ATRX: variants seen among roughly 807,000 people sequenced by gnomAD.
The protein encoded by ATRX is ATRX chromatin remodeler.
Under a neutral mutation model 172.6 loss-of-function variants are expected in ATRX, and 12 were observed. The ratio of observed to expected loss-of-function variants is 0.07; its 90% confidence interval spans 0.04 to 0.11. ATRX has a LOEUF of 0.11. Ranked by LOEUF, ATRX falls within the 10% of genes least tolerant of loss-of-function variation. ATRX has a pLI of 1.00. For synonymous variants in ATRX, 674 were observed against 594.7 expected, an observed-to-expected ratio of 1.13 and a Z score of -1.94; for missense variants, 1,368 against 1,767.4, an observed-to-expected ratio of 0.77 and a Z score of 4.05.
In ATRX at chrX:77,681,854, C is replaced by G. The variant is rs2148574219; in HGVS notation, c.3402G>C (p.Leu1134Phe). The G allele has an allele frequency of 8.3e-7, 1 of 1,202,175 alleles. No individual in the cohort carries two copies. Among genetic ancestry groups the G allele is most frequent in the Non-Finnish European group, 1.1e-6 (1 of 891,413 alleles). Reference sequence around the variant, plus strand: ...TTGAACTTAAATTTCTTCTTTCCCTCAATTCTATTCTTTTCAGTCTCTTAT... The same window carrying G: ...TTGAACTTAAATTTCTTCTTTCCCTGAATTCTATTCTTTTCAGTCTCTTAT... ...SSDKRLKRIE[L>F]RERRNLSSKR... The change falls in exon 9 of 35, where the codon TTG becomes TTC. Residue 1134 changes from leucine (L) to phenylalanine (F), a missense_variant. Coordinates refer to ENST00000373344, the MANE Select transcript of ATRX (RefSeq NM_000489.6).
chrX:77,729,035 T>C (rs1437139802), intron 1 of ATRX, among the ~76,000 whole-genome samples: 3 of 105,652 alleles, frequency 2.8e-5, no homozygotes, highest in African/African-American at 1.0e-4. Flanking sequence ...GCTGGGATTA[T>C]AGGCATGAGC....
chrX:77,692,846 AGTGTGTGTGTGTGTGTGT>A (rs3063059), intron 6 of ATRX, among the ~76,000 whole-genome samples: 26 of 82,104 alleles, frequency 3.2e-4, no homozygotes, highest in African/African-American at 9.4e-4. Context: ...CCAATATTAG[AGTGTGTGTGTGTGTGTGT>A]GTGTGTGTGT....
At chrX:77,769,315 T>A (rs2076079300) in intron 1 of ATRX, among the ~76,000 whole-genome samples, 1 of 108,077 alleles carries the variant, frequency 9.3e-6, no homozygotes, top group Admixed American at 9.9e-5. Flanking sequence ...TCTCACCCTG[T>A]AGCCCAGGCC....
intron 30 of ATRX, among the ~76,000 whole-genome samples, chrX:77,552,880 A>C (rs2064611559): frequency 9.0e-6 from 1 of 111,477 alleles, no homozygotes; most frequent in Non-Finnish European, 1.9e-5. Flanking sequence ...AGTTAAAAAG[A>C]AGTGCTTTCG....
At chrX:77,538,577 A>G (rs2063843242) in intron 30 of ATRX, among the ~76,000 whole-genome samples, 1 of 111,675 alleles carries the variant, frequency 9.0e-6, no homozygotes. Context: ...ACTGTGCAAT[A>G]TATCTGTTTA....
At chrX:77,681,419 G>T in intron 9 of ATRX, 101 bp downstream of exon 9, 3 of 858,033 alleles carry the variant, frequency 3.5e-6, no homozygotes, top group Non-Finnish European at 5.1e-6. Flanking sequence ...ATTCTCCTAA[G>T]TAGTAACCCT....
chrX:77,605,569 T>C (rs4826059), intron 22 of ATRX, among the ~76,000 whole-genome samples: 56,926 of 110,152 alleles, frequency 0.52, 12,903 homozygotes, highest in Non-Finnish European at 0.69. Context: ...CAAAAAACCA[T>C]GAATACCAAT....
In ATRX at chrX:77,684,285, C is replaced by A. The variant is rs2148633386; in HGVS notation, c.971G>T (p.Cys324Phe). Residue 324 changes from cysteine to phenylalanine, a missense_variant, in exon 9 of 35, where the codon TGT becomes TTT. Physicochemically the swap from Cys to Phe is radical, Grantham distance 205. This residue lies in a region of ATRX where 843 missense variants were observed against 643.1 expected (regional missense o/e 1.31). Transcript: ENST00000373344. ...RFSPKKTSSNCNGEEKKLDDS... is the reference protein window; with the variant it reads ...RFSPKKTSSNFNGEEKKLDDS... ...ATCTAATTTCTTTTCTTCTCCATTA[C>A]AATTTGAACTAGTCTTCTTTGGAGA... 8.3e-7 allele frequency: 1 copy of A among 1,208,920 alleles called. No homozygotes were observed. Among genetic ancestry groups the A allele is most frequent in the South Asian group, 1.8e-5 (1 of 56,944 alleles).
At chrX:77,750,911 T>C (rs1354969038) in intron 1 of ATRX, among the ~76,000 whole-genome samples, 1 of 112,301 alleles carries the variant, frequency 8.9e-6, no homozygotes, top group Non-Finnish European at 1.9e-5. Context: ...TGCCCCATTT[T>C]CCTTATCCAG....
intron 15 of ATRX, among the ~76,000 whole-genome samples, chrX:77,646,596 A>G (rs1433760928): frequency 9.0e-6 from 1 of 111,503 alleles, no homozygotes; most frequent in Non-Finnish European, 1.9e-5. Context: ...AGACAAAGAT[A>G]ATTAAGGAAA....
At chrX:77,538,311 TTGCCACAAC>T (rs2063832148) in intron 30 of ATRX, among the ~76,000 whole-genome samples, 1 of 110,485 alleles carries the variant, frequency 9.1e-6, no homozygotes, top group African/African-American at 3.3e-5. Flanking sequence ...ATCATGTCTT[TTGCCACAAC>T]ATTGATGGAA....
chrX:77,534,291 A>C (rs146919983), intron 30 of ATRX, among the ~76,000 whole-genome samples: 72 of 112,192 alleles, frequency 6.4e-4, no homozygotes, highest in African/African-American at 2.3e-3. Flanking sequence ...TCCCCTTTTA[A>C]ATTAATAGCA....
chrX:77,683,201 A>G lies in ATRX; in HGVS notation c.2055T>C (p.Val685=), dbSNP rs1557140387. Reference sequence around the variant, plus strand: ...GAACTGATAGTTTTTGTTTCTCCTTAACTGTTTCATTACATTCTTCATCTG... The same window carrying G: ...GAACTGATAGTTTTTGTTTCTCCTTGACTGTTTCATTACATTCTTCATCTG... ...SNSDEECNET[V]KEKQKLSVPV... Residue 685 remains valine, a synonymous_variant, in exon 9 of 35, where the codon GTT becomes GTC. Transcript: ENST00000373344. 1 of 1,210,361 alleles carries G rather than the reference A, an allele frequency of 8.3e-7. No homozygotes were observed. Among genetic ancestry groups the G allele is most frequent in the South Asian group, 1.8e-5 (1 of 56,965 alleles).
In ATRX at chrX:77,683,346, T is replaced by C. The variant is rs2071360128; in HGVS notation, c.1910A>G (p.Glu637Gly). The C allele has an allele frequency of 2.5e-6, 3 of 1,211,332 alleles. No homozygotes were observed. Among genetic ancestry groups the C allele is most frequent in the Non-Finnish European group, 3.4e-6 (3 of 895,336 alleles). ...TGAAACTTCATTTTCAACCAAATGC[T>C]CATTATCACTGTTTTCCTGTCCAAG... ...CGLGQENSDN[E>G]HLVENEVSLL... The change falls in exon 9 of 35, where the codon GAG (glutamate) becomes GGG (glycine). Residue 637 changes from glutamate (E) to glycine (G), a missense_variant. By Grantham distance (98) the Glu-to-Gly change is moderately conservative. This residue lies in a region of ATRX where 843 missense variants were observed against 643.1 expected (regional missense o/e 1.31). Coordinates refer to ENST00000373344, the MANE Select transcript of ATRX (RefSeq NM_000489.6).
At chrX:77,638,734 A>T (rs782238461) in intron 15 of ATRX, among the ~76,000 whole-genome samples, 19 of 112,744 alleles carry the variant, frequency 1.7e-4, no homozygotes, top group Non-Finnish European at 2.8e-4. Context: ...GTACTTACAT[A>T]AAATTGTGAT....
chrX:77,759,747 T>C (rs986375575), intron 1 of ATRX, among the ~76,000 whole-genome samples: 11 of 110,377 alleles, frequency 1.0e-4, no homozygotes, highest in African/African-American at 3.6e-4. Context: ...TAATAATAAA[T>C]AAACAGGAAT....
intron 31 of ATRX, 79 bp downstream of exon 31, chrX:77,523,172 CA>C: frequency 2.7e-6 from 3 of 1,113,660 alleles, no homozygotes; most frequent in Non-Finnish European, 3.7e-6. Context: ...TTACCTGTTT[CA>C]AATGTGACCC....
At chrX:77,699,569 C>A (rs187807870) in intron 2 of ATRX, 1 of 111,293 alleles carries the variant, frequency 9.0e-6, no homozygotes, top group Admixed American at 9.6e-5. Context: ...AAAAAAGAAA[C>A]AAGACTCAAG....
chrX:77,628,708 A>G (rs948328855), intron 19 of ATRX, among the ~76,000 whole-genome samples: 8 of 111,590 alleles, frequency 7.2e-5, no homozygotes, highest in Non-Finnish European at 1.3e-4. Context: ...CCTGGACTCA[A>G]GCAATCATCC....
Sources: gnomAD v4.1 joint callset for allele counts (sites outside exome capture counted in the v4.1 genomes callset) on GRCh38, gnomAD v4.1.1 for gene constraint, gnomAD v4.1.1 regional missense constraint, MANE v1.5 for transcripts, NCBI Gene and HGNC (gene_info 2026-07-23, HGNC 2026-07-21) for gene names.